The following CAMTA1 variants were observed in gnomAD, a reference collection of about 807,000 sequenced individuals.
The protein encoded by CAMTA1 is calmodulin binding transcription activator 1.
A neutral mutation model predicts 170.9 loss-of-function variants in CAMTA1; 27 were observed. The observed-to-expected ratio is 0.16, with a 90% confidence interval of 0.12 to 0.22. The LOEUF is 0.22. Ranked by LOEUF, CAMTA1 falls within the 10% of genes least tolerant of loss-of-function variation. CAMTA1 has a pLI of 1.00. For missense variants in CAMTA1, 1,619 were observed against 2,217.2 expected (o/e 0.73, Z 5.42); for synonymous variants, 833 against 891.5 (o/e 0.93, Z 1.17).
intron 11 of CAMTA1, among the ~76,000 whole-genome samples, chr1:7,705,165 G>T (rs1205309854): frequency 1.3e-5 from 2 of 151,602 alleles, no homozygotes; most frequent in African/African-American, 4.8e-5. Flanking sequence ...GTGGGGATCC[G>T]GCGGGCCCGG....
intron 3 of CAMTA1, among the ~76,000 whole-genome samples, chr1:6,933,314 T>C (rs942872451): frequency 2.0e-5 from 3 of 152,106 alleles, no homozygotes; most frequent in African/African-American, 7.2e-5. Flanking sequence ...CTCTGGAGTA[T>C]AGTGGCATGA....
chr1:7,352,133 G>A (rs1464792655), intron 5 of CAMTA1, among the ~76,000 whole-genome samples: 1 of 152,016 alleles, frequency 6.6e-6, no homozygotes, highest in Non-Finnish European at 1.5e-5. Flanking sequence ...GGAAGGAGGA[G>A]GAGAAGGAAG....
chr1:6,943,863 A>G lies in CAMTA1; in HGVS notation c.234+118653A>G, dbSNP rs568597615. On this transcript the variant is annotated intron_variant, in intron 3 of 22. Coordinates refer to ENST00000303635, the MANE Select transcript of CAMTA1 (RefSeq NM_015215.4). Reference sequence around the variant, plus strand: ...CTCTGTCTCAAAAAAAAAAAAAAAAAAAAAAGAAAAAAATACACATAACAT... The same window carrying G: ...CTCTGTCTCAAAAAAAAAAAAAAAAGAAAAAGAAAAAAATACACATAACAT... Among the ~76,000 whole-genome samples, 80 of 103,852 alleles carry G rather than the reference A, an allele frequency of 7.7e-4. 1 individual carries two copies. Among genetic ancestry groups the G allele is most frequent in the South Asian group, 3.5e-3 (12 of 3,416 alleles). The allele number at this position is 103,852 out of a possible 152,430, so 68.1% of individuals were successfully genotyped here.
At chr1:6,852,269 T>A (rs1038020762) in intron 3 of CAMTA1, among the ~76,000 whole-genome samples, 1 of 151,984 alleles carries the variant, frequency 6.6e-6, no homozygotes, top group African/African-American at 2.4e-5. Flanking sequence ...AAACCCCAAT[T>A]CTCTTTCTTC....
At chr1:7,024,042 AAAAG>A (rs1553221696) in intron 3 of CAMTA1, among the ~76,000 whole-genome samples, 27 of 150,366 alleles carry the variant, frequency 1.8e-4, no homozygotes, top group Middle Eastern at 3.6e-3. Context: ...AAAAAAAAAA[AAAAG>A]AAAGAAAGAA....
chr1:6,949,844 C>T (rs1688180422), intron 3 of CAMTA1, among the ~76,000 whole-genome samples: 3 of 152,264 alleles, frequency 2.0e-5, no homozygotes, highest in African/African-American at 4.8e-5. Flanking sequence ...GCCCTCGGCA[C>T]GCCAGGCCCT....
chr1:7,221,066 C>T (rs565587674), intron 4 of CAMTA1, among the ~76,000 whole-genome samples: 121 of 152,272 alleles, frequency 7.9e-4, no homozygotes, highest in Non-Finnish European at 1.2e-3. Context: ...AAGGCCGGCA[C>T]GGCACCAGCA....
intron 3 of CAMTA1, among the ~76,000 whole-genome samples, chr1:6,914,002 G>C (rs1680243149): frequency 6.6e-6 from 1 of 151,888 alleles, no homozygotes; most frequent in Non-Finnish European, 1.5e-5. Flanking sequence ...ACTGCTTTTG[G>C]GACACTGGGC....
intron 3 of CAMTA1, among the ~76,000 whole-genome samples, chr1:6,832,142 G>A (rs1650534358): frequency 6.6e-6 from 1 of 150,412 alleles, no homozygotes; most frequent in Non-Finnish European, 1.5e-5. Context: ...GGAGTGCAGT[G>A]GCACAATCTT....
Position 7,557,106 on chromosome 1 carries a change from G to C in CAMTA1, c.511-83294G>C, listed in dbSNP as rs146607111. Among the ~76,000 whole-genome samples the C allele has an allele frequency of 2.9e-3, 442 of 152,072 alleles. 1 individual carries two copies. The highest frequency in any genetic ancestry group is 9.8e-3 in the African/African-American group (407 of 41,458). On this transcript the variant is annotated intron_variant, in intron 6 of 22. Transcript: ENST00000303635. ...GAGGATTGCCAGACCTCAGGAGTTC[G>C]AGACCAGCCTGGGCAACATGGCGAA...
intron 5 of CAMTA1, among the ~76,000 whole-genome samples, chr1:7,255,513 A>G (rs1421356680): frequency 6.6e-6 from 1 of 151,990 alleles, no homozygotes; most frequent in Admixed American, 6.6e-5. Context: ...CCCCGCCCCA[A>G]GGCTATCTCC....
At chr1:7,070,404 G>C (rs1325643784) in intron 3 of CAMTA1, among the ~76,000 whole-genome samples, 2 of 152,186 alleles carry the variant, frequency 1.3e-5, no homozygotes, top group Admixed American at 1.3e-4. Flanking sequence ...TTTTCATTCA[G>C]TTACTTGTTT....
At chr1:7,262,745 C>T (rs1278819271) in intron 5 of CAMTA1, among the ~76,000 whole-genome samples, 1 of 152,126 alleles carries the variant, frequency 6.6e-6, no homozygotes, top group African/African-American at 2.4e-5. Flanking sequence ...TTGTTGTTGC[C>T]CAGGTTGCTT....
intron 5 of CAMTA1, among the ~76,000 whole-genome samples, chr1:7,423,469 CAAAAAA>C (rs1016382434): frequency 1.7e-4 from 8 of 47,890 alleles, no homozygotes; most frequent in South Asian, 8.1e-4. Flanking sequence ...AACTCCATCT[CAAAAAA>C]AAAAAAAAAA....
At chr1:7,359,569 C>T (rs77545396) in intron 5 of CAMTA1, among the ~76,000 whole-genome samples, 2 of 152,208 alleles carry the variant, frequency 1.3e-5, no homozygotes, top group East Asian at 3.9e-4. Context: ...AATTCAGCTC[C>T]CTCTTCCTGC....
At position 7,680,839 on chromosome 1, in the gene CAMTA1, AAC is replaced by A. The variant is rs1168804994; in HGVS notation, c.2914+3109_2914+3110del. Among the ~76,000 whole-genome samples, 5 of 140,650 alleles carry A rather than the reference AAC, an allele frequency of 3.6e-5. No homozygotes were observed. The Middle Eastern group carries it at 0.013, about 355-fold the overall frequency. The allele number at this position is 140,650 out of a possible 152,430, so 92.3% of individuals were successfully genotyped here. ...GGGGGCGTGGGTCCGGGGCGCAGAG[AAC>A]ACGCGCGCGCGCGCGCGCGCCAGCA... On this transcript the variant is annotated intron_variant, in intron 11 of 22. Coordinates refer to ENST00000303635, the MANE Select transcript of CAMTA1 (RefSeq NM_015215.4). The surrounding 1 kb of genome is among the most constrained non-coding windows in gnomAD (Gnocchi z 4.4).
chr1:7,149,927 C>T (rs1184754259), intron 4 of CAMTA1, among the ~76,000 whole-genome samples: 3 of 152,346 alleles, frequency 2.0e-5, no homozygotes, highest in East Asian at 1.9e-4. Context: ...CCTTCCTTGC[C>T]GTACCTGGGG....
chr1:6,959,350 T>G (rs947797912), intron 3 of CAMTA1, among the ~76,000 whole-genome samples: 1 of 152,064 alleles, frequency 6.6e-6, no homozygotes, highest in Non-Finnish European at 1.5e-5. Flanking sequence ...GGGGACACTG[T>G]GAGGGAGTTT....
At chr1:7,175,396 T>C (rs1274281145) in intron 4 of CAMTA1, among the ~76,000 whole-genome samples, 2 of 151,976 alleles carry the variant, frequency 1.3e-5, no homozygotes, top group Non-Finnish European at 2.9e-5. Flanking sequence ...CCTGCTTAAC[T>C]CTTCAAGAAA....
Sources: gnomAD v4.1 joint callset for allele counts (sites outside exome capture counted in the v4.1 genomes callset) on GRCh38, gnomAD v4.1.1 for gene constraint, Gnocchi (gnomAD v3.1) non-coding constraint, MANE v1.5 for transcripts, NCBI Gene and HGNC (gene_info 2026-07-23, HGNC 2026-07-21) for gene names.